Variants in TOX3 observed in about 807,000 individuals in gnomAD.
TOX3 encodes CAG trinucleotide repeat-containing gene F9 protein.
TOX3 carries 22 observed loss-of-function variants against 64.3 expected under a neutral mutation model. The ratio of observed to expected loss-of-function variants is 0.34; its 90% CI spans 0.24 to 0.49. The LOEUF (loss-of-function observed/expected upper bound fraction) is 0.49, where lower values mean the gene tolerates loss of function less well. Ranked by LOEUF, TOX3 falls within the 20% of genes least tolerant of loss-of-function variation. The pLI is 0.99. For missense variants in TOX3, 661 were observed against 714.4 expected, an observed-to-expected ratio of 0.93 and a Z score of 0.85; for synonymous variants, 291 against 273.6, an observed-to-expected ratio of 1.06 and a Z score of -0.63.
Position 52,446,165 on chromosome 16 carries a change from C to A in TOX3, c.735G>T (p.Lys245Asn). ...PDSGKKPKTP[K>N]KKKKKDPNEP... ...CATTGGGATCTTTCTTTTTCTTTTT[C>A]TTTGGAGTCTTGGGCTTCTTGCCAG... The change falls in exon 5 of 7, where the codon AAG becomes AAT. Residue 245 changes from lysine (K) to asparagine (N), a missense_variant. Physicochemically the swap from Lys to Asn is moderately conservative, Grantham distance 94. Coordinates refer to ENST00000219746, the MANE Select transcript of TOX3 (RefSeq NM_001080430.4). 1.2e-6 allele frequency: 2 copies of A among 1,613,824 alleles called. No homozygotes were observed. The highest frequency in any genetic ancestry group is 1.7e-6 in the Non-Finnish European group (2 of 1,179,834).
chr16:52,485,491 T>C (rs45506492), intron 1 of TOX3, among the ~76,000 whole-genome samples: 3,502 of 151,946 alleles, frequency 0.023, 57 homozygotes, highest in Middle Eastern at 0.041. Flanking sequence ...CAAAAGGACG[T>C]TGGGGGGTGA....
intron 6 of TOX3, among the ~76,000 whole-genome samples, chr16:52,442,851 A>AT (rs557483903): frequency 1.3e-5 from 2 of 151,764 alleles, no homozygotes; most frequent in South Asian, 2.1e-4. Context: ...TATCCTATTG[A>AT]TTTTTTTTCT....
At position 52,439,513 on chromosome 16, in the gene TOX3, A is replaced by G; in HGVS notation, c.1443T>C (p.His481=). 7.1e-7 allele frequency: 1 copy of G among 1,416,420 alleles called. No individual in the cohort carries two copies. The highest frequency in any genetic ancestry group is 9.8e-7 in the Non-Finnish European group (1 of 1,024,310). The allele number at this position is 1,416,420 out of a possible 1,614,324, so 87.7% of individuals were successfully genotyped here. The change falls in exon 7 of 7, where the codon CAT becomes CAC. Residue 481 remains histidine (H), a synonymous_variant. Transcript: ENST00000219746. ...GGTGCTGCTGCATGTGGTGCTGGAA[A>G]TGCTGCTGCTGCATCTGCTGCTGGA... ...QQIQQQMQQQ[H]FQHHMQQHLQ... is the part of the protein sequence containing the mutation.
chr16:52,522,759 A>C (rs1323038612), intron 1 of TOX3, among the ~76,000 whole-genome samples: 5 of 152,318 alleles, frequency 3.3e-5, no homozygotes, highest in Non-Finnish European at 5.9e-5. Context: ...CCAAGTCTAC[A>C]ATCCAAGTGT....
intron 1 of TOX3, among the ~76,000 whole-genome samples, chr16:52,529,393 A>T (rs532239563): frequency 1.3e-5 from 2 of 152,316 alleles, no homozygotes; most frequent in South Asian, 4.1e-4. Flanking sequence ...CCCTTTTAGA[A>T]CGATAAGAAT....
At position 52,467,548 on chromosome 16, in the gene TOX3, G is replaced by T. The variant is rs374700065; in HGVS notation, c.153+961C>A. ...TATTATTTTCATTCTCTGGGGTCAA[G>T]CTAGTTCAGTTTCCTGTATTTGAAT... On this transcript the variant is annotated intron_variant, in intron 2 of 6. Coordinates refer to ENST00000219746, the MANE Select transcript of TOX3 (RefSeq NM_001080430.4). Among the ~76,000 whole-genome samples the T allele has an allele frequency of 9.1e-4, 138 of 152,218 alleles. 1 individual carries two copies. In the South Asian group the frequency reaches 0.027, roughly 30 times the overall value.
chr16:52,494,367 T>A (rs1436766458), intron 1 of TOX3, among the ~76,000 whole-genome samples: 1 of 152,174 alleles, frequency 6.6e-6, no homozygotes, highest in Non-Finnish European at 1.5e-5. Flanking sequence ...TAAAACAAGA[T>A]GGCAAGGCCT....
chr16:52,540,431 G>A (rs35850695), intron 1 of TOX3, among the ~76,000 whole-genome samples: 33,748 of 151,684 alleles, frequency 0.22, 4,204 homozygotes, highest in Admixed American at 0.31. Context: ...TATATTCCTC[G>A]AATGCACTCA....
At chr16:52,440,805 G>A (rs563078486) in intron 6 of TOX3, among the ~76,000 whole-genome samples, 12 of 123,752 alleles carry the variant, frequency 9.7e-5, no homozygotes, top group Admixed American at 3.3e-4. Flanking sequence ...CTGTCACCCA[G>A]GCTGGAGTGC....
chr16:52,541,148 C>T (rs1963069916), intron 1 of TOX3, among the ~76,000 whole-genome samples: 3 of 152,186 alleles, frequency 2.0e-5, no homozygotes, highest in African/African-American at 7.2e-5. Context: ...GTCCAAAAGC[C>T]TGTGTTATAA....
At position 52,450,628 on chromosome 16, in the gene TOX3, T is replaced by C. The variant is rs566198938; in HGVS notation, c.409-82A>G. On this transcript the variant is annotated intron_variant, in intron 3 of 6. Transcript: ENST00000219746. ...CTTATCAGGTTAGCATCTCCTTAGA[T>C]AGGTTTGAACTGTTGCAATGTTGAT... 10 of 1,563,110 alleles carry C rather than the reference T, an allele frequency of 6.4e-6. No homozygotes were observed. The South Asian group carries it at 9.4e-5, about 15-fold the overall frequency.
In TOX3 at chr16:52,440,752, CTTTTTTT is replaced by C. The variant is rs60615310; in HGVS notation, c.988-791_988-785del. Among the ~76,000 whole-genome samples, 299 of 66,602 alleles carry C rather than the reference CTTTTTTT, an allele frequency of 4.5e-3. 1 individual carries two copies. Among genetic ancestry groups the C allele is most frequent in the African/African-American group, 0.014 (280 of 20,490 alleles). 43.7% of individuals were successfully genotyped at this position (66,602 alleles called of 152,430 possible). Reference sequence around the variant, plus strand: ...GGTTATATGGTATTTTTCTTTCTTTCTTTTTTTTTTTTTTTTTTTTTTTTTTGAGGTG... The same window carrying C: ...GGTTATATGGTATTTTTCTTTCTTTCTTTTTTTTTTTTTTTTTTTGAGGTG... On this transcript the variant is annotated intron_variant, in intron 6 of 6. Coordinates refer to ENST00000219746, the MANE Select transcript of TOX3 (RefSeq NM_001080430.4).
At chr16:52,510,554 G>A (rs940744091) in intron 1 of TOX3, among the ~76,000 whole-genome samples, 3 of 151,996 alleles carry the variant, frequency 2.0e-5, no homozygotes, top group Non-Finnish European at 2.9e-5. Context: ...TCAGAAGTTT[G>A]AGACCAGCCT....
intron 3 of TOX3, among the ~76,000 whole-genome samples, chr16:52,451,846 T>C (rs1440392267): frequency 6.6e-6 from 1 of 152,210 alleles, no homozygotes; most frequent in Non-Finnish European, 1.5e-5. Flanking sequence ...TGCATTGACC[T>C]AGGGCAGAGT....
intron 1 of TOX3, among the ~76,000 whole-genome samples, chr16:52,489,300 TAAACCC>T (rs1961611381): frequency 6.6e-6 from 1 of 152,140 alleles, no homozygotes; most frequent in African/African-American, 2.4e-5. Context: ...CTCCCTCCCC[TAAACCC>T]ACTAACTATG....
intron 1 of TOX3, among the ~76,000 whole-genome samples, chr16:52,529,233 T>A (rs1053035033): frequency 2.6e-5 from 4 of 152,220 alleles, no homozygotes; most frequent in African/African-American, 7.2e-5. Flanking sequence ...GGGGGAAATA[T>A]CCCATAAGAA....
At chr16:52,530,601 G>C (rs992708787) in intron 1 of TOX3, among the ~76,000 whole-genome samples, 3 of 151,906 alleles carry the variant, frequency 2.0e-5, no homozygotes, top group Non-Finnish European at 4.4e-5. Flanking sequence ...CCCTGCCTCG[G>C]CCTCCCAAAG....
chr16:52,507,952 G>A (rs138810198), intron 1 of TOX3, among the ~76,000 whole-genome samples: 1 of 152,286 alleles, frequency 6.6e-6, no homozygotes, highest in African/African-American at 2.4e-5. Flanking sequence ...TACAATTTAA[G>A]CTGTGATGTT....
chr16:52,523,977 C>T (rs923465368), intron 1 of TOX3, among the ~76,000 whole-genome samples: 2 of 152,098 alleles, frequency 1.3e-5, no homozygotes, highest in African/African-American at 4.8e-5. Flanking sequence ...AAGACATAAA[C>T]TTTAAATTTA....
Sources: gnomAD v4.1 joint callset for allele counts (sites outside exome capture counted in the v4.1 genomes callset) on GRCh38, gnomAD v4.1.1 for gene constraint, MANE v1.5 for transcripts, NCBI Gene and HGNC (gene_info 2026-07-23, HGNC 2026-07-21) for gene names.